The following FRYL variants were observed in gnomAD, a reference collection of about 807,000 sequenced individuals.
The protein encoded by FRYL is protein furry homolog-like.
In FRYL, 150 loss-of-function variants were observed where a neutral mutation model predicts 351.2. The observed-to-expected ratio is 0.43, with a 90% confidence interval of 0.37 to 0.49. The LOEUF (loss-of-function observed/expected upper bound fraction) is 0.49. Ranked by LOEUF, FRYL falls within the 20% of genes least tolerant of loss-of-function variation. FRYL has a pLI of 0.00. For missense variants in FRYL, 3,036 were observed against 3,619.3 expected (o/e 0.84, Z 4.13); for synonymous variants, 1,153 against 1,257.1 (o/e 0.92, Z 1.75).
Position 48,523,038 on chromosome 4 carries a change from C to T in FRYL, c.7384G>A (p.Asp2462Asn), listed in dbSNP as rs1209343226. The stretch of plus-strand genomic sequence containing the variant: ...TGGTACTCCTGGAGGGATGGAGTGT[C>T]CCCTTTGTCAATACTGTCCAGTGAG... ...RRSLDSIDKG[D>N]TPSLQEYQCS... Residue 2462 changes from aspartate to asparagine, a missense_variant, in exon 54 of 64, where the codon GAC (aspartate) becomes AAC (asparagine). Physicochemically the swap from Asp to Asn is conservative, Grantham distance 23. Around this residue, in one of 7 missense-constraint regions of FRYL, gnomAD observed 1,987 missense variants for 2,311.7 expected, o/e 0.86. Transcript: ENST00000358350. 1.2e-6 allele frequency: 2 copies of T among 1,613,728 alleles called. No individual in the cohort carries two copies. The highest frequency in any genetic ancestry group is 2.2e-5 in the East Asian group (1 of 44,888).
chr4:48,651,292 T>C (rs1757636834), intron 3 of FRYL, among the ~76,000 whole-genome samples: 1 of 10,372 alleles, frequency 9.6e-5, no homozygotes, highest in South Asian at 2.4e-3. Context: ...GATCTCACTG[T>C]GTGTGTGTGT....
Position 48,657,436 on chromosome 4 carries a change from C to T in FRYL, c.-80-22946G>A, listed in dbSNP as rs746838806. ...TCCTGTTTTTAAATTACGCAAAGAA[C>T]GATACTGCTATCAATCTTCAAATGA... On this transcript the variant is annotated intron_variant, in intron 3 of 63. Transcript: ENST00000358350. Among the ~76,000 whole-genome samples the T allele has an allele frequency of 3.6e-5, 5 of 140,390 alleles. No individual in the cohort carries two copies. The South Asian group carries it at 6.7e-4, about 19-fold the overall frequency. The allele number at this position is 140,390 out of a possible 152,430, so 92.1% of individuals were successfully genotyped here. A position where few individuals can be genotyped will look rare whatever the true frequency, so the allele number is the denominator to read the frequency against.
chr4:48,662,006 G>A (rs904543666), intron 3 of FRYL, among the ~76,000 whole-genome samples: 1 of 152,172 alleles, frequency 6.6e-6, no homozygotes, highest in African/African-American at 2.4e-5. Flanking sequence ...AATGGATATA[G>A]AAACTCTCCA....
intron 52 of FRYL, 23 bp from the exon 53 acceptor site, chr4:48,527,676 A>C: frequency 6.3e-7 from 1 of 1,582,760 alleles, no homozygotes. Context: ...TAAAAAAAAA[A>C]AAAAAGTCCA....
At chr4:48,583,777 C>A (rs1478545482) in intron 19 of FRYL, among the ~76,000 whole-genome samples, 2 of 151,782 alleles carry the variant, frequency 1.3e-5, no homozygotes, top group African/African-American at 4.8e-5. Context: ...TGGTGGTGCA[C>A]GCCTGTAATC....
At chr4:48,656,241 T>C (rs1282683125) in intron 3 of FRYL, among the ~76,000 whole-genome samples, 2 of 105,328 alleles carry the variant, frequency 1.9e-5, no homozygotes, top group Non-Finnish European at 3.6e-5. Flanking sequence ...TTTGAATATA[T>C]ATTATGAATA....
At chr4:48,770,729 G>A (rs1235957680) in intron 1 of FRYL, among the ~76,000 whole-genome samples, 26 of 152,092 alleles carry the variant, frequency 1.7e-4, no homozygotes, top group African/African-American at 1.7e-4. Context: ...GAGCCACCAC[G>A]CCCGGGTTAA....
At chr4:48,499,920 T>G in intron 63 of FRYL, 110 bp downstream of exon 63, 1 of 865,228 alleles carries the variant, frequency 1.2e-6, no homozygotes, top group Non-Finnish European at 1.8e-6. Context: ...CTCATGTTTT[T>G]CTTTCACAAA....
At chr4:48,721,692 T>G (rs1377162299) in intron 1 of FRYL, among the ~76,000 whole-genome samples, 2 of 152,086 alleles carry the variant, frequency 1.3e-5, no homozygotes, top group Non-Finnish European at 2.9e-5. Flanking sequence ...CAGGCTGGAG[T>G]GCTGTGGCGC....
At chr4:48,608,766 C>G (rs1177607934) in intron 9 of FRYL, among the ~76,000 whole-genome samples, 2 of 152,082 alleles carry the variant, frequency 1.3e-5, no homozygotes, top group African/African-American at 2.4e-5. Flanking sequence ...TCGATTCAGA[C>G]ATTTATAGAA....
At chr4:48,713,352 C>A (rs1357237231) in intron 1 of FRYL, among the ~76,000 whole-genome samples, 1 of 152,172 alleles carries the variant, frequency 6.6e-6, no homozygotes, top group African/African-American at 2.4e-5. Context: ...CACGACCCAT[C>A]AGTGTGCTGT....
At chr4:48,665,035 G>A (rs888912051) in intron 3 of FRYL, among the ~76,000 whole-genome samples, 1 of 152,208 alleles carries the variant, frequency 6.6e-6, no homozygotes, top group East Asian at 1.9e-4. Context: ...GATTGGACCA[G>A]TGCAATAATA....
In FRYL at chr4:48,506,614, TAATATATA is replaced by T. The variant is rs1486631589; in HGVS notation, c.8395-1007_8395-1000del. On this transcript the variant is annotated intron_variant, in intron 59 of 63. Transcript: ENST00000358350. ...AAATTATACTATTAAACAATACAACTAATATATATATATATATATATATATATATATAT... is the reference window on the plus strand; with the variant it reads ...AAATTATACTATTAAACAATACAACTTATATATATATATATATATATATAT... The T allele has an allele frequency of 2.0e-3, 154 of 77,998 alleles. 1 individual carries two copies. The highest frequency in any genetic ancestry group is 0.011 in the South Asian group (21 of 1,964). The allele number at this position is 77,998 out of a possible 1,614,324, so 4.8% of individuals were successfully genotyped here.
chr4:48,662,888 T>C (rs1442100774), intron 3 of FRYL, among the ~76,000 whole-genome samples: 1 of 151,442 alleles, frequency 6.6e-6, no homozygotes, highest in African/African-American at 2.4e-5. Context: ...ATCTTTCAAA[T>C]ATAATAGGAA....
At chr4:48,713,909 A>G (rs1408109183) in intron 1 of FRYL, among the ~76,000 whole-genome samples, 2 of 152,220 alleles carry the variant, frequency 1.3e-5, no homozygotes, top group Non-Finnish European at 2.9e-5. Context: ...AACAGAAATT[A>G]TAACAAACTA....
intron 55 of FRYL, among the ~76,000 whole-genome samples, chr4:48,515,981 A>G (rs887047844): frequency 3.3e-5 from 5 of 152,116 alleles, no homozygotes; most frequent in African/African-American, 7.2e-5. Flanking sequence ...ATGACTCAAA[A>G]TAATTAACCC....
intron 23 of FRYL, among the ~76,000 whole-genome samples, chr4:48,577,664 T>G (rs1464671505): frequency 6.6e-6 from 1 of 152,180 alleles, no homozygotes; most frequent in Non-Finnish European, 1.5e-5. Context: ...TAGGGAAGGC[T>G]ACTTAAGGTC....
chr4:48,661,842 A>G (rs1760790692), intron 3 of FRYL, among the ~76,000 whole-genome samples: 1 of 152,212 alleles, frequency 6.6e-6, no homozygotes, highest in South Asian at 2.1e-4. Flanking sequence ...TCCAGGATGT[A>G]AAGGAAAAAA....
chr4:48,690,723 A>G (rs965579718), intron 2 of FRYL, among the ~76,000 whole-genome samples: 2 of 152,164 alleles, frequency 1.3e-5, no homozygotes, highest in African/African-American at 4.8e-5. Context: ...CAATGTGTTA[A>G]CCTTTTATAT....
Sources: allele counts gnomAD v4.1 joint callset (sites outside exome capture counted in the v4.1 genomes callset), GRCh38; gene constraint gnomAD v4.1.1; regional missense constraint gnomAD v4.1.1; transcripts MANE v1.5; gene names NCBI Gene and HGNC (gene_info 2026-07-23, HGNC 2026-07-21).